NOD1: variants seen among roughly 807,000 people sequenced by gnomAD.
NOD1 encodes nucleotide-binding oligomerization domain-containing protein 1.
In NOD1, 70 loss-of-function variants were observed where a neutral mutation model predicts 81.2. The ratio of observed to expected loss-of-function variants is 0.86; its 90% CI spans 0.71 to 1.05. NOD1 has a LOEUF of 1.05. Ranked by LOEUF, NOD1 falls within the 50% of genes least tolerant of loss-of-function variation. The probability of loss-of-function intolerance (pLI) is 0.00; values close to 1 mark genes in which losing one functional copy is unlikely to be tolerated. For missense variants in NOD1, 1,233 were observed against 1,228.0 expected, an observed-to-expected ratio of 1.00 and a Z score of -0.06; for synonymous variants, 508 against 526.9, an observed-to-expected ratio of 0.96 and a Z score of 0.49.
intron 6 of NOD1, among the ~76,000 whole-genome samples, chr7:30,448,684 G>C (rs1043349024): frequency 2.0e-5 from 3 of 152,212 alleles, no homozygotes; most frequent in African/African-American, 7.2e-5. Context: ...CACCCTTTGC[G>C]TGTGACCTAT....
intron 12 of NOD1, among the ~76,000 whole-genome samples, chr7:30,431,576 G>A (rs184095913): frequency 7.9e-5 from 12 of 152,298 alleles, no homozygotes; most frequent in South Asian, 2.1e-4. Context: ...TGGTGCTGCC[G>A]GGACAGCTGG....
At chr7:30,430,037 G>T (rs1294885166) in intron 12 of NOD1, among the ~76,000 whole-genome samples, 1 of 152,036 alleles carries the variant, frequency 6.6e-6, no homozygotes, top group Non-Finnish European at 1.5e-5. Flanking sequence ...ATATATATTT[G>T]GGAGACCACC....
intron 12 of NOD1, among the ~76,000 whole-genome samples, chr7:30,430,637 C>T (rs1330631075): frequency 6.6e-6 from 1 of 152,196 alleles, no homozygotes; most frequent in African/African-American, 2.4e-5. Flanking sequence ...AGCTACAGAA[C>T]CTTGAAGAAA....
rs148518184 is a variant in NOD1, at chr7:30,445,330, T to A, written c.2453+811A>T. ...ATTGAAGGCAGTCCTTGAAGAGACA[T>A]TTGTATGCCCATGTGCACAGCAGCA... is the stretch of plus-strand genomic sequence containing the variant. On this transcript the variant is annotated intron_variant, in intron 9 of 13. Coordinates refer to ENST00000222823, the MANE Select transcript of NOD1 (RefSeq NM_006092.4). Among the ~76,000 whole-genome samples, 36 of 140,898 alleles carry A rather than the reference T, an allele frequency of 2.6e-4. No individual in the cohort carries two copies. The East Asian group carries it at 7.6e-3, about 30-fold the overall frequency. The allele number at this position is 140,898 out of a possible 152,430, so 92.4% of individuals were successfully genotyped here.
intron 1 of NOD1, among the ~76,000 whole-genome samples, chr7:30,470,395 A>G (rs2128103589): frequency 6.6e-6 from 1 of 152,352 alleles, no homozygotes; most frequent in Middle Eastern, 3.4e-3. Context: ...CTGGTGAGTC[A>G]CCGTATCTCC....
chr7:30,454,407 G>A (rs1208404613), intron 5 of NOD1, among the ~76,000 whole-genome samples: 1 of 152,204 alleles, frequency 6.6e-6, no homozygotes, highest in Non-Finnish European at 1.5e-5. Context: ...TCTTCCAGCT[G>A]ACTTGAAGCT....
At chr7:30,462,881 G>A (rs1379859558) in intron 1 of NOD1, among the ~76,000 whole-genome samples, 7 of 151,576 alleles carry the variant, frequency 4.6e-5, no homozygotes, top group South Asian at 2.1e-4. Context: ...TCCGGGAGGC[G>A]GAGGTTGCAG....
At chr7:30,471,710 T>A (rs908351943) in intron 1 of NOD1, among the ~76,000 whole-genome samples, 35 of 152,292 alleles carry the variant, frequency 2.3e-4, no homozygotes, top group African/African-American at 8.4e-4. Context: ...CCCTGACATT[T>A]GGTGCCTACA....
intron 3 of NOD1, among the ~76,000 whole-genome samples, chr7:30,458,386 T>C (rs1360797366): frequency 1.3e-5 from 2 of 152,118 alleles, no homozygotes; most frequent in Middle Eastern, 3.2e-3. Context: ...AAAAGGTTTT[T>C]TTGTAGTTCA....
At chr7:30,425,784 G>T in intron 13 of NOD1, 74 bp from the exon 14 acceptor site, 1 of 991,402 alleles carries the variant, frequency 1.0e-6, no homozygotes, top group Non-Finnish European at 1.6e-6. Context: ...CCCAAGGTGT[G>T]TTCATAGCAC....
At chr7:30,446,028 G>A (rs1042466276) in intron 9 of NOD1, 113 bp downstream of exon 9, 13 of 821,060 alleles carry the variant, frequency 1.6e-5, no homozygotes, top group African/African-American at 6.7e-5. Context: ...ATCTCTCCCC[G>A]ACAGCGAGCC....
At position 30,473,716 on chromosome 7, in the gene NOD1, A is replaced by G. The variant is rs571335254; in HGVS notation, c.-352+4890T>C. ...TTTCCAGAAATATGGCCCTACACAG[A>G]GCATAAGCACATCTGACTGTTAATG... is the stretch of plus-strand genomic sequence containing the variant. On this transcript the variant is annotated intron_variant, in intron 1 of 13. Transcript: ENST00000222823. 8.5e-5 allele frequency among the ~76,000 whole-genome samples: 13 copies of G among 152,256 alleles called. No individual in the cohort carries two copies. The South Asian group carries it at 2.7e-3, about 32-fold the overall frequency.
chr7:30,451,273 A>C lies in NOD1; in HGVS notation c.2144T>G (p.Leu715Arg). ...CAGCTCCCGCACGCCGTAGTCGTTG[A>C]GATTGTTGTTGTCTAGGTCTAGGGC... ...RLALDLDNNN[L>R]NDYGVRELQP... Residue 715 changes from leucine (L) to arginine (R), a missense_variant, in exon 6 of 14, where the codon CTC becomes CGC. Coordinates refer to ENST00000222823, the MANE Select transcript of NOD1 (RefSeq NM_006092.4). This position sits in a 1 kb window ranked among gnomAD's most constrained non-coding sequence, Gnocchi z 4.2. 1 of 1,614,022 alleles carries C rather than the reference A, an allele frequency of 6.2e-7. No homozygotes were observed. Among genetic ancestry groups the C allele is most frequent in the Non-Finnish European group, 8.5e-7 (1 of 1,180,020 alleles).
chr7:30,446,123 C>A lies in NOD1; in HGVS notation c.2453+18G>T. 1 of 1,593,628 alleles carries A rather than the reference C, an allele frequency of 6.3e-7. No individual in the cohort carries two copies. The highest frequency in any genetic ancestry group is 8.6e-7 in the Non-Finnish European group (1 of 1,161,332). The stretch of plus-strand genomic sequence containing the variant: ...ACACAGCAGGTTGTACCACATACAT[C>A]CATCCCCTTCTACTCACCCAACCTC... On this transcript the variant is annotated intron_variant, in intron 9 of 13. Transcript: ENST00000222823.
chr7:30,435,909 G>T, intron 11 of NOD1, 89 bp downstream of exon 11: 1 of 1,091,806 alleles, frequency 9.2e-7, no homozygotes. Flanking sequence ...AGTGAGCTGA[G>T]ATCACACCAA....
At position 30,425,248 on chromosome 7, in the gene NOD1, A is replaced by AAAAG. The variant is rs544848780; in HGVS notation, c.*386_*389dup. ...GTGCCACATCCTCAACTCTTCAATG[A>AAAAG]AAAGAGCGGTGACCAACTCGCTCCC... On this transcript the variant is annotated 3_prime_UTR_variant, in exon 14 of 14. Coordinates refer to ENST00000222823, the MANE Select transcript of NOD1 (RefSeq NM_006092.4). The AAAAG allele has an allele frequency of 8.6e-5, 18 of 210,094 alleles. No individual in the cohort carries two copies. The highest frequency in any genetic ancestry group is 1.9e-3 in the Middle Eastern group (1 of 538). 13.0% of individuals were successfully genotyped at this position (210,094 alleles called of 1,614,324 possible). A position where few individuals can be genotyped will look rare whatever the true frequency, so the allele number is the denominator to read the frequency against.
chr7:30,455,163 C>T lies in NOD1; in HGVS notation c.350G>A (p.Ser117Asn). The change falls in exon 5 of 14, where the codon AGC (serine) becomes AAC (asparagine). Residue 117 changes from serine to asparagine, a missense_variant. Transcript: ENST00000222823. ...IGFSPSLLTQ[S>N]KVVVNTDPVS... ...TGGGTCAGTGTTGACCACGACTTTG[C>T]TCTGAGTGAGCAGGGAAGGGGAGAA... The T allele has an allele frequency of 6.2e-7, 1 of 1,614,066 alleles. No individual in the cohort carries two copies. The highest frequency in any genetic ancestry group is 8.5e-7 in the Non-Finnish European group (1 of 1,180,022).
At chr7:30,438,999 A>T (rs916704987) in intron 9 of NOD1, among the ~76,000 whole-genome samples, 1 of 152,344 alleles carries the variant, frequency 6.6e-6, no homozygotes, top group Non-Finnish European at 1.5e-5. Flanking sequence ...TGAAACAAAA[A>T]GCTTTAAAAA....
In NOD1 at chr7:30,452,789, T is replaced by A. The variant is rs139814809; in HGVS notation, c.628A>T (p.Met210Leu). The change falls in exon 6 of 14, where the codon ATG becomes TTG. Residue 210 changes from methionine (M) to leucine (L), a missense_variant. Transcript: ENST00000222823. Reference protein sequence around the residue: ...ILGDAGVGKSMLLQRLQSLWA... With the variant: ...ILGDAGVGKSLLLQRLQSLWA... Reference sequence around the variant, plus strand: ...AGGCTCTGCAGCCGCTGTAGCAGCATGGACTTGCCCACCCCAGCATCACCC... The same window carrying A: ...AGGCTCTGCAGCCGCTGTAGCAGCAAGGACTTGCCCACCCCAGCATCACCC... The A allele has an allele frequency of 6.2e-7, 1 of 1,614,042 alleles. No homozygotes were observed. Among genetic ancestry groups the A allele is most frequent in the African/African-American group, 1.3e-5 (1 of 74,948 alleles).
Sources: allele counts gnomAD v4.1 joint callset (sites outside exome capture counted in the v4.1 genomes callset), GRCh38; gene constraint gnomAD v4.1.1; non-coding constraint Gnocchi (gnomAD v3.1); transcripts MANE v1.5; gene names NCBI Gene and HGNC (gene_info 2026-07-23, HGNC 2026-07-21).